Variants in PIR observed in about 807,000 individuals in gnomAD.
PIR encodes pirin.
Under a neutral mutation model 24.2 loss-of-function variants are expected in PIR, and 22 were observed. That is an observed-to-expected ratio of 0.91 (90% CI 0.65 to 1.30). PIR has a LOEUF of 1.30. Ranked by LOEUF, PIR falls within the 50% of genes most tolerant of loss-of-function variation. The probability of loss-of-function intolerance (pLI) is 0.00; values close to 1 mark genes in which losing one functional copy is unlikely to be tolerated. For synonymous variants in PIR, 80 were observed against 79.6 expected, an observed-to-expected ratio of 1.00 and a Z score of -0.03; for missense variants, 220 against 220.3, an observed-to-expected ratio of 1.00 and a Z score of 0.01.
chrX:15,479,847 T>A, intron 2 of PIR, 26 bp from the exon 3 acceptor site: 1 of 880,963 alleles, frequency 1.1e-6, no homozygotes. Context: ...AATTTGCAGA[T>A]TAGATATGTC....
intron 5 of PIR, among the ~76,000 whole-genome samples, chrX:15,427,693 TACACACAC>T (rs58998460): frequency 1.9e-5 from 2 of 103,553 alleles, no homozygotes; most frequent in Non-Finnish European, 4.0e-5. Context: ...TGACAGTACA[TACACACAC>T]ACACACACAC....
chrX:15,422,569 T>G (rs867288335), intron 6 of PIR, among the ~76,000 whole-genome samples: 3 of 110,402 alleles, frequency 2.7e-5, no homozygotes, highest in Non-Finnish European at 3.8e-5. Flanking sequence ...AGCAATCCTA[T>G]TTACAATGGT....
intron 7 of PIR, among the ~76,000 whole-genome samples, chrX:15,399,247 A>G (rs180952724): frequency 6.7e-4 from 76 of 112,864 alleles, no homozygotes; most frequent in African/African-American, 2.2e-3. Flanking sequence ...TCAATAAGGA[A>G]ATGCTTATTT....
intron 2 of PIR, among the ~76,000 whole-genome samples, chrX:15,484,608 C>T (rs902114480): frequency 1.8e-5 from 2 of 111,272 alleles, no homozygotes; most frequent in African/African-American, 6.5e-5. Flanking sequence ...AGCCACTGCG[C>T]CCGGCCTCAA....
chrX:15,451,199 C>G (rs1194893983), intron 5 of PIR, among the ~76,000 whole-genome samples: 1 of 111,347 alleles, frequency 9.0e-6, no homozygotes, highest in Non-Finnish European at 1.9e-5. Context: ...GCCTAGAAAG[C>G]TGATAAGTAT....
chrX:15,402,191 G>A (rs1187956398), intron 7 of PIR, among the ~76,000 whole-genome samples: 1 of 111,205 alleles, frequency 9.0e-6, no homozygotes, highest in Non-Finnish European at 1.9e-5. Context: ...TGTCATCCCA[G>A]CTACTCAGGA....
chrX:15,454,140 C>T (rs1920998893), intron 5 of PIR, among the ~76,000 whole-genome samples: 1 of 111,322 alleles, frequency 9.0e-6, no homozygotes, highest in Non-Finnish European at 1.9e-5. Flanking sequence ...ACCGCTCTGC[C>T]TGATACTATA....
chrX:15,484,306 C>CTT lies in PIR; in HGVS notation c.97-4487_97-4486dup, dbSNP rs1193474348. On this transcript the variant is annotated intron_variant, in intron 2 of 9. Transcript: ENST00000380420. ...GAGCGGTAGATACAGTCTCAATTTT[C>CTT]TTTTTTTTTTTTTTTTTTTTTTTTT... Among the ~76,000 whole-genome samples, 510 of 67,451 alleles carry CTT rather than the reference C, an allele frequency of 7.6e-3. 31 individuals carry two copies. Among genetic ancestry groups the CTT allele is most frequent in the African/African-American group, 0.015 (276 of 18,119 alleles). 58.6% of individuals were successfully genotyped at this position (67,451 alleles called of 115,157 possible).
At chrX:15,419,413 GGAGAGA>G (rs1318238750) in intron 6 of PIR, among the ~76,000 whole-genome samples, 1 of 103,912 alleles carries the variant, frequency 9.6e-6, no homozygotes, top group African/African-American at 3.5e-5. Context: ...GATAGGGGAG[GGAGAGA>G]GAGAGAGAGA....
rs901935480 is a variant in PIR, at chrX:15,474,180, A to G, written c.189+5549T>C. Among the ~76,000 whole-genome samples, 3 of 112,229 alleles carry G rather than the reference A, an allele frequency of 2.7e-5. No individual in the cohort carries two copies. In the East Asian group the frequency reaches 8.4e-4, roughly 31 times the overall value. ...GATGCCACGTTGTCAGAACAAATTTATAGACAACAAAAGGAAAGTGACATA... is the reference window on the plus strand; with the variant it reads ...GATGCCACGTTGTCAGAACAAATTTGTAGACAACAAAAGGAAAGTGACATA... On this transcript the variant is annotated intron_variant, in intron 3 of 9. Coordinates refer to ENST00000380420, the MANE Select transcript of PIR (RefSeq NM_001018109.3).
intron 9 of PIR, among the ~76,000 whole-genome samples, chrX:15,388,821 C>T (rs1161846333): frequency 8.9e-6 from 1 of 112,080 alleles, no homozygotes; most frequent in Non-Finnish European, 1.9e-5. Context: ...TTTAAACACA[C>T]ATAAGTAAAA....
chrX:15,486,385 T>C (rs1922828680), intron 2 of PIR, among the ~76,000 whole-genome samples: 1 of 108,166 alleles, frequency 9.2e-6, no homozygotes, highest in Non-Finnish European at 1.9e-5. Context: ...GGAATTTTAT[T>C]TACAACAGGA....
intron 3 of PIR, among the ~76,000 whole-genome samples, chrX:15,471,174 G>C (rs1921895380): frequency 9.0e-6 from 1 of 111,513 alleles, no homozygotes; most frequent in Non-Finnish European, 1.9e-5. Context: ...AGGTTTGGCA[G>C]CATCCCTGGC....
intron 1 of PIR, among the ~76,000 whole-genome samples, chrX:15,492,050 AT>A (rs1476201515): frequency 1.8e-5 from 2 of 109,073 alleles, no homozygotes; most frequent in Non-Finnish European, 3.8e-5. Flanking sequence ...AGTGCCACTC[AT>A]CTGTCAGCCT....
At chrX:15,413,701 G>A (rs1015055029) in intron 6 of PIR, among the ~76,000 whole-genome samples, 2 of 112,336 alleles carry the variant, frequency 1.8e-5, no homozygotes, top group Non-Finnish European at 3.8e-5. Context: ...TACCAAATTT[G>A]ATGAGTGACA....
At chrX:15,492,236 A>T (rs1923204739) in intron 1 of PIR, among the ~76,000 whole-genome samples, 1 of 111,247 alleles carries the variant, frequency 9.0e-6, no homozygotes, top group Admixed American at 9.5e-5. Flanking sequence ...TCAAAGACCC[A>T]TCTATTCCTG....
intron 5 of PIR, among the ~76,000 whole-genome samples, chrX:15,431,210 C>T (rs932123678): frequency 8.9e-6 from 1 of 111,790 alleles, no homozygotes; most frequent in South Asian, 3.7e-4. Flanking sequence ...TCTACTTGTT[C>T]CTAGACACAC....
intron 5 of PIR, among the ~76,000 whole-genome samples, chrX:15,433,998 A>G: frequency 2.4e-5 from 1 of 40,894 alleles, no homozygotes; most frequent in Non-Finnish European, 4.3e-5. Flanking sequence ...AGGAGGAGGA[A>G]GGAGAAAGAA....
At chrX:15,451,164 G>A (rs1324082490) in intron 5 of PIR, among the ~76,000 whole-genome samples, 2 of 111,735 alleles carry the variant, frequency 1.8e-5, no homozygotes, top group East Asian at 5.6e-4. Context: ...AAACCGGCAA[G>A]GGAGGGGAGA....
Sources: gnomAD v4.1 joint callset for allele counts (sites outside exome capture counted in the v4.1 genomes callset) on GRCh38, gnomAD v4.1.1 for gene constraint, MANE v1.5 for transcripts, NCBI Gene and HGNC (gene_info 2026-07-23, HGNC 2026-07-21) for gene names.